The following SEC63 variants were observed in gnomAD, a reference collection of about 807,000 sequenced individuals.
SEC63 encodes the protein translocation protein SEC63 homolog.
Under a neutral mutation model 116.2 loss-of-function variants are expected in SEC63, and 56 were observed. The observed-to-expected ratio is 0.48, with a 90% CI of 0.39 to 0.60. The LOEUF is 0.60. SEC63 is among the 20% of genes least tolerant of loss of function. SEC63 has a pLI of 0.00. For missense variants in SEC63, 668 were observed against 900.0 expected, an observed-to-expected ratio of 0.74 and a Z score of 3.30; for synonymous variants, 273 against 294.6, an observed-to-expected ratio of 0.93 and a Z score of 0.75.
intron 16 of SEC63, among the ~76,000 whole-genome samples, chr6:107,885,431 T>C (rs1409268392): frequency 6.6e-6 from 1 of 152,016 alleles, no homozygotes; most frequent in Non-Finnish European, 1.5e-5. Context: ...TACATAGGAG[T>C]AAATCTAACG....
At chr6:107,956,870 A>G (rs1233217514) in intron 1 of SEC63, among the ~76,000 whole-genome samples, 1 of 152,186 alleles carries the variant, frequency 6.6e-6, no homozygotes, top group Non-Finnish European at 1.5e-5. Flanking sequence ...CAGCACACCC[A>G]ATTGAAGAGA....
intron 1 of SEC63, among the ~76,000 whole-genome samples, chr6:107,952,361 C>A (rs1393117170): frequency 6.6e-6 from 1 of 152,148 alleles, no homozygotes; most frequent in Non-Finnish European, 1.5e-5. Context: ...TATTCAAGAG[C>A]CCACTAATTC....
chr6:107,903,053 G>C, intron 11 of SEC63, 55 bp from the exon 12 acceptor site: 2 of 1,580,812 alleles, frequency 1.3e-6, no homozygotes, highest in Non-Finnish European at 1.7e-6. Context: ...ATGTTCAGGA[G>C]TATACAATTC....
At chr6:107,882,933 T>C in intron 17 of SEC63, 55 bp downstream of exon 17, 1 of 1,192,728 alleles carries the variant, frequency 8.4e-7, no homozygotes. Context: ...AACCCAAAGC[T>C]ATCATCAGAG....
chr6:107,922,100 T>C (rs1192183899), intron 3 of SEC63, among the ~76,000 whole-genome samples, 191 bp from the exon 4 acceptor site: 1 of 151,936 alleles, frequency 6.6e-6, no homozygotes, highest in South Asian at 2.1e-4. Flanking sequence ...AAAACACTTA[T>C]ATTGTCCAAT....
intron 4 of SEC63, among the ~76,000 whole-genome samples, chr6:107,918,365 A>C (rs1787464245): frequency 1.3e-5 from 2 of 152,188 alleles, no homozygotes; most frequent in Admixed American, 1.3e-4. Flanking sequence ...CTAACACAAC[A>C]TTCATTCTGC....
At chr6:107,909,941 G>A (rs967411229) in intron 7 of SEC63, among the ~76,000 whole-genome samples, 2 of 152,104 alleles carry the variant, frequency 1.3e-5, no homozygotes, top group African/African-American at 4.8e-5. Context: ...TTATACAGCT[G>A]TTTTAAAAAA....
Position 107,868,835 on chromosome 6 carries a change from G to GTT in SEC63, c.*2868_*2869insAA. On this transcript the variant is annotated 3_prime_UTR_variant, in exon 21 of 21. Coordinates refer to ENST00000369002, the MANE Select transcript of SEC63 (RefSeq NM_007214.5). ...ACAGAGCCTGGCACATAGAAACTCA[G>GTT]TAAATATGTGATGAATGACAACCTC... The GTT allele has an allele frequency of 6.6e-6, 1 of 152,246 alleles. No homozygotes were observed. Among genetic ancestry groups the GTT allele is most frequent in the Non-Finnish European group, 1.5e-5 (1 of 68,024 alleles). The allele number at this position is 152,246 out of a possible 1,614,324, so 9.4% of individuals were successfully genotyped here.
intron 1 of SEC63, among the ~76,000 whole-genome samples, chr6:107,956,427 A>T (rs1200277637): frequency 1.3e-5 from 2 of 152,196 alleles, no homozygotes; most frequent in Non-Finnish European, 2.9e-5. Context: ...CTTCACTTAT[A>T]CACAATCACT....
chr6:107,915,673 T>A (rs1034381562), intron 4 of SEC63, among the ~76,000 whole-genome samples: 6 of 151,992 alleles, frequency 3.9e-5, no homozygotes, highest in African/African-American at 1.4e-4. Context: ...TTTATTATAA[T>A]AGGCAACTAA....
chr6:107,914,191 T>C, intron 4 of SEC63, among the ~76,000 whole-genome samples: 1 of 152,292 alleles, frequency 6.6e-6, no homozygotes, highest in South Asian at 2.1e-4. Flanking sequence ...TTAAAATGAA[T>C]TCCCAATTCC....
chr6:107,917,382 T>C (rs1787430272), intron 4 of SEC63, among the ~76,000 whole-genome samples: 1 of 152,160 alleles, frequency 6.6e-6, no homozygotes, highest in African/African-American at 2.4e-5. Flanking sequence ...TCTGTATGTG[T>C]GTCTTTAATT....
Position 107,902,986 on chromosome 6 carries a change from C to A in SEC63, c.1067G>T (p.Arg356Leu), listed in dbSNP as rs776025014. The A allele has an allele frequency of 1.2e-6, 2 of 1,613,856 alleles. No individual in the cohort carries two copies. Among genetic ancestry groups the A allele is most frequent in the Non-Finnish European group, 8.5e-7 (1 of 1,179,968 alleles). The stretch of plus-strand genomic sequence containing the variant: ...TTCTAGGGATGCCAAAGTTGGAGCA[C>A]GAAACTCCCTTTCTTAGAAAGAACA... ...MARNREEREF[R>L]APTLASLENC... is the part of the protein sequence containing the mutation. The change falls in exon 12 of 21, where the codon CGT (arginine) becomes CTT (leucine). Residue 356 changes from arginine (R) to leucine (L), a missense_variant. Arg to Leu is a moderately radical substitution (Grantham distance 102). Around this residue, in one of 5 missense-constraint regions of SEC63, gnomAD observed 430 missense variants for 557.5 expected, o/e 0.77. Transcript: ENST00000369002.
At chr6:107,923,621 C>T (rs570923862) in intron 3 of SEC63, among the ~76,000 whole-genome samples, 2 of 152,032 alleles carry the variant, frequency 1.3e-5, no homozygotes, top group Non-Finnish European at 2.9e-5. Context: ...ACCTTCTTGG[C>T]TCAAACTATC....
At chr6:107,918,239 C>A (rs1412823940) in intron 4 of SEC63, among the ~76,000 whole-genome samples, 3 of 53,538 alleles carry the variant, frequency 5.6e-5, no homozygotes, top group East Asian at 7.0e-4. Context: ...ACTGTTGAGA[C>A]CTGCTCAAAA....
In SEC63 at chr6:107,944,799, C is replaced by T. The variant is rs139880258; in HGVS notation, c.124+13087G>A. On this transcript the variant is annotated intron_variant, in intron 1 of 20. Coordinates refer to ENST00000369002, the MANE Select transcript of SEC63 (RefSeq NM_007214.5). ...TAAGCCTGTCACCCCACCTGGGTTA[C>T]AAATTCTACCAAAATAAGACTATGT... Among the ~76,000 whole-genome samples, 115 of 152,298 alleles carry T rather than the reference C, an allele frequency of 7.6e-4. 1 individual carries two copies. The highest frequency in any genetic ancestry group is 2.7e-3 in the African/African-American group (113 of 41,570).
At chr6:107,884,722 TGACAA>T (rs1230580494) in intron 16 of SEC63, among the ~76,000 whole-genome samples, 1 of 152,042 alleles carries the variant, frequency 6.6e-6, no homozygotes, top group African/African-American at 2.4e-5. Context: ...ATACAAAACC[TGACAA>T]GGATATTACA....
rs577798649 is a variant in SEC63 at position 107,936,098 on chromosome 6, T to C, written c.125-6584A>G. ...TAAGAACAATGCTGAAGTCTCTTTA[T>C]GAAGCAGGCAGTTTGATCTATTCAA... is the stretch of plus-strand genomic sequence containing the variant. On this transcript the variant is annotated intron_variant, in intron 1 of 20. Transcript: ENST00000369002. Among the ~76,000 whole-genome samples the C allele has an allele frequency of 1.7e-4, 26 of 152,378 alleles. 1 individual carries two copies. The highest frequency in any genetic ancestry group is 6.3e-4 in the African/African-American group (26 of 41,594).
Position 107,869,910 on chromosome 6 carries a change from AAAAC to A in SEC63, c.*1790_*1793del, listed in dbSNP as rs150602806. 122,686 of 150,148 alleles carry A rather than the reference AAAAC, an allele frequency of 0.82. 50,632 individuals carry two copies. The highest frequency in any genetic ancestry group is 0.91 in the Middle Eastern group (265 of 292). The allele number at this position is 150,148 out of a possible 1,614,324, so 9.3% of individuals were successfully genotyped here. ...AGGCAAAGTAGCCACTAGAAAAAAA[AAAAC>A]AACTTTTCTTGAAATCTTTCAAGAA... On this transcript the variant is annotated 3_prime_UTR_variant, in exon 21 of 21. Coordinates refer to ENST00000369002, the MANE Select transcript of SEC63 (RefSeq NM_007214.5).
Sources: gnomAD v4.1 joint callset for allele counts (sites outside exome capture counted in the v4.1 genomes callset) on GRCh38, gnomAD v4.1.1 for gene constraint, gnomAD v4.1.1 regional missense constraint, MANE v1.5 for transcripts, NCBI Gene and HGNC (gene_info 2026-07-23, HGNC 2026-07-21) for gene names.